PLPP4: variants seen among roughly 807,000 people sequenced by gnomAD.
PLPP4 encodes phospholipid phosphatase 4, also known as diacylglycerol pyrophosphate like 2.
In PLPP4, 20 loss-of-function variants were observed where a neutral mutation model predicts 32.2. That is an observed-to-expected ratio of 0.62 (90% CI 0.44 to 0.90). PLPP4 has a LOEUF of 0.90. Among genes scored for constraint, PLPP4 ranks in the 40% least tolerant of loss-of-function variants. PLPP4 has a pLI of 0.00. For synonymous variants in PLPP4, 127 were observed against 133.0 expected, an observed-to-expected ratio of 0.95 and a Z score of 0.31; for missense variants, 257 against 353.1, an observed-to-expected ratio of 0.73 and a Z score of 2.18.
chr10:120,503,763 C>T (rs1589779838), intron 1 of PLPP4, 55 bp from the exon 2 acceptor site: 12 of 1,591,176 alleles, frequency 7.5e-6, no homozygotes, highest in Non-Finnish European at 1.0e-5. Context: ...TCCTTGGGAA[C>T]TTCCCACAGC....
chr10:120,489,431 C>A (rs979934670), intron 1 of PLPP4, among the ~76,000 whole-genome samples: 1 of 152,134 alleles, frequency 6.6e-6, no homozygotes, highest in Non-Finnish European at 1.5e-5. Flanking sequence ...GTTAAATACC[C>A]GCTACTCCCC....
chr10:120,583,141 C>T (rs1309309281), intron 6 of PLPP4, among the ~76,000 whole-genome samples: 1 of 151,890 alleles, frequency 6.6e-6, no homozygotes, highest in African/African-American at 2.4e-5. Context: ...GTCAAGCTAG[C>T]TTAGTGATGT....
intron 6 of PLPP4, among the ~76,000 whole-genome samples, chr10:120,580,444 C>T (rs969502686): frequency 5.3e-5 from 8 of 152,108 alleles, no homozygotes; most frequent in South Asian, 2.1e-4. Flanking sequence ...TGAAGTTGTT[C>T]TGTCAGCTGT....
chr10:120,464,310 G>A (rs942880848), intron 1 of PLPP4, among the ~76,000 whole-genome samples: 2 of 152,192 alleles, frequency 1.3e-5, no homozygotes, highest in African/African-American at 4.8e-5. Context: ...AAATGGGACA[G>A]TATCCAGCTC....
rs1849910554 is a variant in PLPP4, at chr10:120,589,340, A to C, written c.654A>C (p.Ala218=). The C allele has an allele frequency of 6.2e-7, 1 of 1,614,074 alleles. No homozygotes were observed. Among genetic ancestry groups the C allele is most frequent in the East Asian group, 2.2e-5 (1 of 44,876 alleles). Residue 218 remains alanine, a synonymous_variant, in exon 7 of 7, where the codon GCA becomes GCC. Coordinates refer to ENST00000398250, the MANE Select transcript of PLPP4 (RefSeq NM_001030059.3). The part of the protein sequence containing the change: ...FVGGVIGLIF[A]YICYRQHYPP... ...GTGGAGTCATCGGCCTCATTTTTGC[A>C]TACATTTGCTACAGACAGCACTATC... is the stretch of plus-strand genomic sequence containing the variant.
chr10:120,577,545 C>T (rs1849277103), intron 6 of PLPP4, among the ~76,000 whole-genome samples: 2 of 152,202 alleles, frequency 1.3e-5, no homozygotes, highest in South Asian at 4.1e-4. Flanking sequence ...TACTATCCAA[C>T]AGGCACAGAA....
chr10:120,503,591 G>T (rs966283531), intron 1 of PLPP4: 4 of 1,609,878 alleles, frequency 2.5e-6, no homozygotes, highest in East Asian at 2.2e-5. Context: ...GCATGGAATT[G>T]GTCCTTCTGG....
intron 1 of PLPP4, among the ~76,000 whole-genome samples, chr10:120,489,629 C>A (rs780152669): frequency 6.6e-5 from 10 of 152,096 alleles, no homozygotes; most frequent in Non-Finnish European, 1.2e-4. Context: ...CTGAGTGCTG[C>A]CGTGGGGAGA....
intron 1 of PLPP4, among the ~76,000 whole-genome samples, chr10:120,470,858 C>T (rs765346872): frequency 4.6e-5 from 7 of 152,154 alleles, no homozygotes; most frequent in Non-Finnish European, 1.0e-4. Context: ...TACCTAAACA[C>T]AAATCTGCTA....
intron 1 of PLPP4, among the ~76,000 whole-genome samples, chr10:120,484,547 A>G (rs971978865): frequency 6.6e-6 from 1 of 152,218 alleles, no homozygotes; most frequent in Non-Finnish European, 1.5e-5. Context: ...CATTCCTGCA[A>G]TAATGGCATT....
intron 1 of PLPP4, among the ~76,000 whole-genome samples, chr10:120,460,823 G>A (rs1313107181): frequency 6.6e-6 from 1 of 152,158 alleles, no homozygotes; most frequent in African/African-American, 2.4e-5. Flanking sequence ...ACTGGATTCT[G>A]TTCATTATTC....
chr10:120,568,864 A>C, intron 5 of PLPP4, among the ~76,000 whole-genome samples: 1 of 152,308 alleles, frequency 6.6e-6, no homozygotes, highest in Non-Finnish European at 1.5e-5. Context: ...AAGGAGTAAC[A>C]TTTATGAGTT....
At chr10:120,523,758 A>C (rs565588172) in intron 5 of PLPP4, among the ~76,000 whole-genome samples, 20 of 152,336 alleles carry the variant, frequency 1.3e-4, no homozygotes, top group African/African-American at 4.6e-4. Context: ...AGCACCTAAG[A>C]AGTGAAATTC....
At chr10:120,582,580 A>G (rs1348451519) in intron 6 of PLPP4, among the ~76,000 whole-genome samples, 1 of 152,210 alleles carries the variant, frequency 6.6e-6, no homozygotes, top group Non-Finnish European at 1.5e-5. Context: ...AAAGGACACA[A>G]TTAAATTTAT....
intron 5 of PLPP4, among the ~76,000 whole-genome samples, chr10:120,536,632 TG>T (rs1847031053): frequency 7.4e-6 from 1 of 134,636 alleles, no homozygotes; most frequent in African/African-American, 2.8e-5. Context: ...TTGGTCTTCT[TG>T]GCAATGGTTT....
chr10:120,488,463 G>T (rs1844561066), intron 1 of PLPP4, among the ~76,000 whole-genome samples: 1 of 152,196 alleles, frequency 6.6e-6, no homozygotes, highest in Non-Finnish European at 1.5e-5. Context: ...ACCCTAGGAA[G>T]GATATTTCAG....
intron 5 of PLPP4, among the ~76,000 whole-genome samples, chr10:120,538,044 C>CTG (rs1564825148): frequency 1.3e-3 from 40 of 31,218 alleles, no homozygotes; most frequent in East Asian, 1.9e-3. Context: ...CTCTCTCTCT[C>CTG]TCTCTCTCTG....
chr10:120,523,095 A>C (rs1213287122), intron 5 of PLPP4, among the ~76,000 whole-genome samples: 2 of 152,198 alleles, frequency 1.3e-5, no homozygotes, highest in African/African-American at 4.8e-5. Flanking sequence ...CAGGAGATGA[A>C]GACCATCCTG....
At chr10:120,489,785 C>T (rs1480435724) in intron 1 of PLPP4, among the ~76,000 whole-genome samples, 1 of 152,164 alleles carries the variant, frequency 6.6e-6, no homozygotes, top group African/African-American at 2.4e-5. Context: ...ACCAAATATG[C>T]AGCAGGCTGC....
Sources: allele counts gnomAD v4.1 joint callset (sites outside exome capture counted in the v4.1 genomes callset), GRCh38; gene constraint gnomAD v4.1.1; transcripts MANE v1.5; gene names NCBI Gene and HGNC (gene_info 2026-07-23, HGNC 2026-07-21).